The following DOK6 variants were observed in gnomAD, a reference collection of about 807,000 sequenced individuals.
DOK6 encodes the protein docking protein 6, also known as downstream of tyrosine kinase 6.
Under a neutral mutation model 44.0 loss-of-function variants are expected in DOK6, and 22 were observed. That is an observed-to-expected ratio of 0.50 (90% confidence interval 0.36 to 0.71). DOK6 has a LOEUF of 0.71. DOK6 is among the 30% of genes least tolerant of loss of function. The pLI, the probability that DOK6 is intolerant of heterozygous loss-of-function variation, is 0.00. For missense variants in DOK6, 340 were observed against 416.4 expected, an observed-to-expected ratio of 0.82 and a Z score of 1.60; for synonymous variants, 166 against 145.5, an observed-to-expected ratio of 1.14 and a Z score of -1.01.
At chr18:69,681,007 GA>G (rs2144688480) in intron 4 of DOK6, among the ~76,000 whole-genome samples, 1 of 152,252 alleles carries the variant, frequency 6.6e-6, no homozygotes, top group African/African-American at 2.4e-5. Flanking sequence ...ATACATGGTT[GA>G]AGTCACTAAT....
intron 1 of DOK6, among the ~76,000 whole-genome samples, chr18:69,472,714 A>G (rs1980149165): frequency 6.6e-6 from 1 of 152,164 alleles, no homozygotes; most frequent in Admixed American, 6.5e-5. Context: ...ATACACATAA[A>G]CATACACACA....
intron 7 of DOK6, among the ~76,000 whole-genome samples, chr18:69,839,167 A>T (rs144371211): frequency 0.012 from 1,493 of 125,930 alleles, 74 homozygotes; most frequent in Admixed American, 0.097. Flanking sequence ...CACTCTCCCT[A>T]ACTCCTCCCC....
At chr18:69,816,580 G>C (rs1393927223) in intron 7 of DOK6, among the ~76,000 whole-genome samples, 5 of 152,156 alleles carry the variant, frequency 3.3e-5, no homozygotes, top group Non-Finnish European at 7.3e-5. Context: ...AGCATTTACA[G>C]GAGTAAATAA....
intron 5 of DOK6, among the ~76,000 whole-genome samples, chr18:69,713,623 C>A (rs1450800628): frequency 6.6e-6 from 1 of 152,134 alleles, no homozygotes; most frequent in East Asian, 1.9e-4. Flanking sequence ...AATTATTTTT[C>A]TGTTCTTTAT....
Position 69,704,628 on chromosome 18 carries a change from G to A in DOK6, c.599+6035G>A, listed in dbSNP as rs182050648. On this transcript the variant is annotated intron_variant, in intron 5 of 7. Coordinates refer to ENST00000382713, the MANE Select transcript of DOK6 (RefSeq NM_152721.6). ...TGAGTAGCTGGGACTACAGGCGCCC[G>A]CCACCATGCCCAGCTAATTTTTTTG... Among the ~76,000 whole-genome samples, 48 of 152,000 alleles carry A rather than the reference G, an allele frequency of 3.2e-4. No individual in the cohort carries two copies. The East Asian group carries it at 8.0e-3, about 25-fold the overall frequency.
intron 1 of DOK6, among the ~76,000 whole-genome samples, chr18:69,548,416 A>G (rs147636463): frequency 9.0e-4 from 137 of 151,716 alleles, no homozygotes; most frequent in African/African-American, 3.2e-3. Flanking sequence ...GGAGAAAAAC[A>G]TTTTGGGCTT....
At chr18:69,638,655 G>A (rs909386217) in intron 3 of DOK6, among the ~76,000 whole-genome samples, 1 of 152,148 alleles carries the variant, frequency 6.6e-6, no homozygotes, top group African/African-American at 2.4e-5. Flanking sequence ...TGTGGTGCTT[G>A]TAGTTTAGTT....
At chr18:69,597,532 T>TC (rs58111847) in intron 2 of DOK6, among the ~76,000 whole-genome samples, 68,209 of 151,972 alleles carry the variant, frequency 0.45, 15,355 homozygotes, top group East Asian at 0.57. Context: ...GGTATCACAG[T>TC]CTCTTTAACT....
At chr18:69,618,895 A>T (rs534488857) in intron 3 of DOK6, among the ~76,000 whole-genome samples, 1 of 151,516 alleles carries the variant, frequency 6.6e-6, no homozygotes, top group Admixed American at 6.6e-5. Context: ...AAAAATAACG[A>T]TTTTTTTTTC....
chr18:69,822,760 AC>A (rs1478059324), intron 7 of DOK6, among the ~76,000 whole-genome samples: 2 of 152,186 alleles, frequency 1.3e-5, no homozygotes, highest in Non-Finnish European at 2.9e-5. Flanking sequence ...CTATCAAAAA[AC>A]GTTCATTTTC....
chr18:69,704,475 C>CTTTTTTTTTT (rs10685670), intron 5 of DOK6, among the ~76,000 whole-genome samples: 1 of 107,168 alleles, frequency 9.3e-6, no homozygotes, highest in Non-Finnish European at 1.8e-5. Flanking sequence ...CCAGATATGA[C>CTTTTTTTTTT]TTTTTTTTTT....
chr18:69,449,112 T>TC (rs1447845652), intron 1 of DOK6, among the ~76,000 whole-genome samples: 1 of 152,260 alleles, frequency 6.6e-6, no homozygotes, highest in African/African-American at 2.4e-5. Context: ...AATCCTGACT[T>TC]CTAGTCTAGT....
chr18:69,534,738 T>A (rs978161237), intron 1 of DOK6, among the ~76,000 whole-genome samples: 1 of 152,224 alleles, frequency 6.6e-6, no homozygotes, highest in African/African-American at 2.4e-5. Context: ...TATCGTTGCA[T>A]CAAAACAACA....
At chr18:69,511,589 C>T (rs1981365991) in intron 1 of DOK6, among the ~76,000 whole-genome samples, 2 of 152,148 alleles carry the variant, frequency 1.3e-5, no homozygotes, top group South Asian at 4.1e-4. Flanking sequence ...TTTTATACCA[C>T]AGGAGATAGT....
At chr18:69,753,281 C>G (rs1979245004) in intron 6 of DOK6, among the ~76,000 whole-genome samples, 1 of 152,022 alleles carries the variant, frequency 6.6e-6, no homozygotes, top group Non-Finnish European at 1.5e-5. Flanking sequence ...TTACAAGAGC[C>G]CTCTAAATCT....
chr18:69,818,464 G>C (rs562999736), intron 7 of DOK6, among the ~76,000 whole-genome samples: 2 of 152,138 alleles, frequency 1.3e-5, no homozygotes, highest in African/African-American at 4.8e-5. Context: ...CAGGGACCAG[G>C]CCTCCAGCAG....
intron 7 of DOK6, among the ~76,000 whole-genome samples, chr18:69,807,636 G>A (rs1790590): frequency 0.013 from 2,036 of 151,704 alleles, 41 homozygotes; most frequent in African/African-American, 0.047. Context: ...AAGAGAGCAG[G>A]GGTAGCTATA....
At chr18:69,826,802 A>G (rs1407343999) in intron 7 of DOK6, among the ~76,000 whole-genome samples, 1 of 152,186 alleles carries the variant, frequency 6.6e-6, no homozygotes, top group African/African-American at 2.4e-5. Context: ...TAACTGTAAT[A>G]AATAATTATA....
intron 2 of DOK6, among the ~76,000 whole-genome samples, chr18:69,579,819 T>TGGAGAGATTCTCTCACGA (rs368830588): frequency 1.3e-5 from 2 of 152,088 alleles, no homozygotes; most frequent in Non-Finnish European, 2.9e-5. Flanking sequence ...CCTAACCTCA[T>TGGAGAGATTCTCTCACGA]GGAGAGATTC....
Sources: gnomAD v4.1 joint callset for allele counts (sites outside exome capture counted in the v4.1 genomes callset) on GRCh38, gnomAD v4.1.1 for gene constraint, MANE v1.5 for transcripts, NCBI Gene and HGNC (gene_info 2026-07-23, HGNC 2026-07-21) for gene names.